Variants in LDB3 observed in about 807,000 individuals in gnomAD.
LDB3 encodes the protein LIM domain binding 3.
Under a neutral mutation model 69.0 loss-of-function variants are expected in LDB3, and 49 were observed. That is an observed-to-expected ratio of 0.71 (90% CI 0.56 to 0.90). The LOEUF is 0.90. Among genes scored for constraint, LDB3 ranks in the 40% least tolerant of loss-of-function variants. LDB3 has a pLI of 0.00. For synonymous variants in LDB3, 387 were observed against 396.2 expected (o/e 0.98, Z 0.28); for missense variants, 928 against 974.1 (o/e 0.95, Z 0.63).
chr10:86,710,220 C>G, intron 9 of LDB3, 170 bp downstream of exon 9: 3 of 985,296 alleles, frequency 3.0e-6, no homozygotes, highest in African/African-American at 1.7e-5. Flanking sequence ...TCCTATGGAG[C>G]CTGCATCTGG....
intron 8 of LDB3, 72 bp from the exon 9 acceptor site, chr10:86,709,833 C>T: frequency 6.4e-7 from 1 of 1,563,268 alleles, no homozygotes; most frequent in Non-Finnish European, 8.7e-7. Context: ...GACCTGGGAG[C>T]CAGCCTGCCT....
At chr10:86,732,726 A>T (rs1847515329) in intron 13 of LDB3, 161 bp from the exon 14 acceptor site, 2 of 628,050 alleles carry the variant, frequency 3.2e-6, no homozygotes, top group East Asian at 6.1e-5. Context: ...CTGGTCTTGG[A>T]CTCCTGACCT....
At chr10:86,717,436 C>G (rs188757321) in intron 10 of LDB3, among the ~76,000 whole-genome samples, 1 of 152,200 alleles carries the variant, frequency 6.6e-6, no homozygotes, top group African/African-American at 2.4e-5. Flanking sequence ...TGACTGCTAA[C>G]CTGGAACTAG....
intron 4 of LDB3, 29 bp from the exon 5 acceptor site, chr10:86,681,407 T>C (rs1192867518): frequency 1.3e-6 from 2 of 1,598,808 alleles, no homozygotes; most frequent in Non-Finnish European, 1.7e-6. Flanking sequence ...CTCTCTTCTC[T>C]CTCCCCTGCA....
intron 7 of LDB3, among the ~76,000 whole-genome samples, chr10:86,696,967 T>A (rs117340659): frequency 5.3e-5 from 8 of 152,150 alleles, no homozygotes; most frequent in African/African-American, 1.9e-4. Flanking sequence ...AAATATGTTA[T>A]ATGTTAGCAG....
At chr10:86,674,048 G>A (rs1287567017) in intron 2 of LDB3, among the ~76,000 whole-genome samples, 1 of 152,102 alleles carries the variant, frequency 6.6e-6, no homozygotes, top group Non-Finnish European at 1.5e-5. Flanking sequence ...GCTCAGAACT[G>A]GTCAGTCAGG....
chr10:86,685,165 G>A (rs773409735), intron 5 of LDB3, among the ~76,000 whole-genome samples: 2 of 152,116 alleles, frequency 1.3e-5, no homozygotes, highest in East Asian at 1.9e-4. Flanking sequence ...AGGAAACCCC[G>A]CGCACACCCT....
At position 86,717,998 on chromosome 10, in the gene LDB3, C is replaced by T. The variant is rs777095535; in HGVS notation, c.1711C>T (p.His571Tyr). Residue 571 changes from histidine to tyrosine, a missense_variant, in exon 11 of 14, where the codon CAC becomes TAC. His to Tyr is a moderately conservative substitution (Grantham distance 83). Coordinates refer to ENST00000361373, the MANE Select transcript of LDB3 (RefSeq NM_007078.3). Reference sequence around the variant, plus strand: ...TCTGGTAGCCATGGGCCGTTCTTGGCACCCTGAAGAGTTCACCTGTGCCTA... The same window carrying T: ...TCTGGTAGCCATGGGCCGTTCTTGGTACCCTGAAGAGTTCACCTGTGCCTA... Reference protein sequence around the residue: ...PFLVAMGRSWHPEEFTCAYCK... With the variant: ...PFLVAMGRSWYPEEFTCAYCK... 3 of 1,614,178 alleles carry T rather than the reference C, an allele frequency of 1.9e-6. No individual in the cohort carries two copies. Among genetic ancestry groups the T allele is most frequent in the Non-Finnish European group, 2.5e-6 (3 of 1,180,012 alleles).
upstream of LDB3, chr10:86,666,962 G>A: frequency 2.3e-6 from 1 of 427,784 alleles, no homozygotes; most frequent in Non-Finnish European, 4.8e-6. Context: ...AACACCCCTA[G>A]GAAAGGGCAT....
chr10:86,687,398 G>C, intron 5 of LDB3: 1 of 938,650 alleles, frequency 1.1e-6, no homozygotes, highest in East Asian at 2.6e-5. Flanking sequence ...GCCCTTGGAG[G>C]GGAGCCAGCC....
chr10:86,679,549 G>A (rs199707750), intron 3 of LDB3, 31 bp downstream of exon 3: 16 of 1,612,506 alleles, frequency 9.9e-6, no homozygotes, highest in Non-Finnish European at 1.3e-5. Context: ...GCAGGGGGCG[G>A]AGGTTTGGGT....
At position 86,718,075 on chromosome 10, in the gene LDB3, T is replaced by C; in HGVS notation, c.1788T>C (p.Val596=). 6.2e-7 allele frequency: 1 copy of C among 1,614,124 alleles called. No individual in the cohort carries two copies. The highest frequency in any genetic ancestry group is 1.1e-5 in the South Asian group (1 of 91,070). ...GCTTTGTGGAAGAGCAGAACAACGTTTACTGTGAGCGATGTTATGAGCAAT... is the reference window on the plus strand; with the variant it reads ...GCTTTGTGGAAGAGCAGAACAACGTCTACTGTGAGCGATGTTATGAGCAAT... ...DVCFVEEQNN[V]YCERCYEQFF... Residue 596 remains valine, a synonymous_variant, in exon 11 of 14, where the codon GTT becomes GTC. Transcript: ENST00000361373.
chr10:86,718,776 G>C lies in LDB3; in HGVS notation c.1907G>C (p.Cys636Ser). 6.2e-7 allele frequency: 1 copy of C among 1,614,174 alleles called. No homozygotes were observed. The highest frequency in any genetic ancestry group is 8.5e-7 in the Non-Finnish European group (1 of 1,180,036). The change falls in exon 12 of 14, where the codon TGT becomes TCT. Residue 636 changes from cysteine (C) to serine (S), a missense_variant. Transcript: ENST00000361373. ...RQTWHTTCFV[C>S]AACKKPFGNS... ...ACATGGCACACCACCTGCTTCGTCTGTGCGGCCTGCAAGAAGCCTTTTGGG... is the reference window on the plus strand; with the variant it reads ...ACATGGCACACCACCTGCTTCGTCTCTGCGGCCTGCAAGAAGCCTTTTGGG...
intron 7 of LDB3, among the ~76,000 whole-genome samples, chr10:86,704,229 G>T (rs1230855699): frequency 1.3e-5 from 2 of 152,036 alleles, no homozygotes; most frequent in Admixed American, 1.3e-4. Context: ...GGGGCTTCAA[G>T]CACACATGGA....
chr10:86,672,132 C>T (rs1301886000), intron 2 of LDB3, among the ~76,000 whole-genome samples: 1 of 138,438 alleles, frequency 7.2e-6, no homozygotes, highest in Non-Finnish European at 1.6e-5. Context: ...AATAAATAAA[C>T]AAATAAAATG....
At chr10:86,714,063 G>A (rs1338393345) in intron 9 of LDB3, among the ~76,000 whole-genome samples, 3 of 152,182 alleles carry the variant, frequency 2.0e-5, no homozygotes, top group African/African-American at 7.2e-5. Flanking sequence ...CTCACATTTA[G>A]TGACACACTA....
At chr10:86,695,464 G>A (rs1253009724) in intron 7 of LDB3, among the ~76,000 whole-genome samples, 1 of 152,170 alleles carries the variant, frequency 6.6e-6, no homozygotes, top group African/African-American at 2.4e-5. Context: ...CTAATTTCCA[G>A]GGACTCTTTA....
At chr10:86,679,197 T>C (rs1844966409) in intron 2 of LDB3, among the ~76,000 whole-genome samples, 170 bp from the exon 3 acceptor site, 2 of 152,162 alleles carry the variant, frequency 1.3e-5, no homozygotes, top group African/African-American at 4.8e-5. Flanking sequence ...GTGGTAGTCA[T>C]GTGCCGGAAA....
At chr10:86,719,770 A>G (rs1427083963) in intron 12 of LDB3, among the ~76,000 whole-genome samples, 1 of 152,202 alleles carries the variant, frequency 6.6e-6, no homozygotes, top group Non-Finnish European at 1.5e-5. Context: ...TGTACCCCCA[A>G]AATGCTATAT....
Sources: gnomAD v4.1 joint callset for allele counts (sites outside exome capture counted in the v4.1 genomes callset) on GRCh38, gnomAD v4.1.1 for gene constraint, MANE v1.5 for transcripts, NCBI Gene and HGNC (gene_info 2026-07-23, HGNC 2026-07-21) for gene names.